Variants in TEF observed in about 807,000 individuals in gnomAD.
TEF encodes TEF transcription factor, PAR bZIP family member, also known as thyrotroph embryonic factor.
A neutral mutation model predicts 20.8 loss-of-function variants in TEF; 3 were observed. The ratio of observed to expected loss-of-function variants is 0.14; its 90% CI spans 0.07 to 0.37. The LOEUF is 0.37. Ranked by LOEUF, TEF falls within the 10% of genes least tolerant of loss-of-function variation. The pLI is 1.00. For missense variants in TEF, 296 were observed against 397.9 expected (o/e 0.74, Z 2.18); for synonymous variants, 180 against 171.1 (o/e 1.05, Z -0.41).
chr22:41,388,706 G>A (rs1024209713), intron 2 of TEF, among the ~76,000 whole-genome samples: 7 of 151,844 alleles, frequency 4.6e-5, no homozygotes, highest in East Asian at 1.9e-4. Context: ...CCTTGGACAC[G>A]AACCTACCAA....
At chr22:41,370,825 G>A (rs2036875724) in intron 1 of TEF, among the ~76,000 whole-genome samples, 1 of 151,984 alleles carries the variant, frequency 6.6e-6, no homozygotes, top group African/African-American at 2.4e-5. Flanking sequence ...CCTCTTTCCT[G>A]TCCCTGGATA....
At chr22:41,394,019 C>T in intron 2 of TEF, 77 bp from the exon 3 acceptor site, 1 of 1,382,438 alleles carries the variant, frequency 7.2e-7, no homozygotes, top group Non-Finnish European at 1.0e-6. Context: ...GAGGTTCAAC[C>T]AGGTGTCTGG....
chr22:41,373,856 A>C (rs987506321), intron 1 of TEF, among the ~76,000 whole-genome samples: 13 of 146,398 alleles, frequency 8.9e-5, no homozygotes, highest in Middle Eastern at 3.7e-3. Flanking sequence ...CTCTGCCTCC[A>C]GGGTTCAAGC....
intron 1 of TEF, chr22:41,369,086 C>A (rs1204335192): frequency 1.0e-6 from 1 of 985,200 alleles, no homozygotes; most frequent in Non-Finnish European, 1.2e-6. Context: ...CCCAGGATGC[C>A]CCCCAGCACA....
chr22:41,381,736 T>C (rs1360289446), upstream of TEF, among the ~76,000 whole-genome samples: 1 of 148,696 alleles, frequency 6.7e-6, no homozygotes, highest in Non-Finnish European at 1.5e-5. Context: ...GCGAGGGTCC[T>C]CACCTGGCCC....
At chr22:41,375,607 C>G (rs12168692) in intron 1 of TEF, among the ~76,000 whole-genome samples, 4 of 151,684 alleles carry the variant, frequency 2.6e-5, no homozygotes, top group Non-Finnish European at 5.9e-5. Context: ...AAAAATTAGC[C>G]GGGCTACTTG....
At chr22:41,367,933 C>T (rs1339376591) in intron 1 of TEF, among the ~76,000 whole-genome samples, 1 of 152,140 alleles carries the variant, frequency 6.6e-6, no homozygotes, top group Admixed American at 6.5e-5. Context: ...AAGCTCCCTC[C>T]CCCTGTACGC....
chr22:41,394,385 C>A, intron 3 of TEF, 69 bp downstream of exon 3: 1 of 1,434,170 alleles, frequency 7.0e-7, no homozygotes, highest in Non-Finnish European at 9.5e-7. Flanking sequence ...TGGCTCCTCG[C>A]ATTTGATTTT....
In TEF at chr22:41,387,427, C is replaced by T. The variant is rs776588311; in HGVS notation, c.234C>T (p.Leu78=). 7.4e-6 allele frequency: 12 copies of T among 1,614,098 alleles called. No homozygotes were observed. The Admixed American group carries it at 1.3e-4, about 18-fold the overall frequency. The part of the protein sequence containing the change: ...AASTMAVSAS[L]MPPIWDKTIP... ...GCACCATGGCTGTCTCAGCCTCCCT[C>T]ATGCCACCCATCTGGGACAAGACCA... is the stretch of plus-strand genomic sequence containing the variant. The change falls in exon 2 of 4, where the codon CTC becomes CTT. Residue 78 remains leucine (L), a synonymous_variant. Coordinates refer to ENST00000266304, the MANE Select transcript of TEF (RefSeq NM_003216.4).
chr22:41,381,840 A>G, upstream of TEF: 1 of 1,202,860 alleles, frequency 8.3e-7, no homozygotes, highest in Non-Finnish European at 1.0e-6. Flanking sequence ...CAGAGCAACG[A>G]TCCGGGGAAG....
At chr22:41,383,899 CAAGG>C (rs1461438830) in intron 1 of TEF, among the ~76,000 whole-genome samples, 1 of 152,218 alleles carries the variant, frequency 6.6e-6, no homozygotes, top group Non-Finnish European at 1.5e-5. Flanking sequence ...GTCCAGATCT[CAAGG>C]GAGGAGAGCA....
At chr22:41,373,581 T>C (rs1332127190) in intron 1 of TEF, among the ~76,000 whole-genome samples, 4 of 151,460 alleles carry the variant, frequency 2.6e-5, no homozygotes, top group African/African-American at 9.7e-5. Context: ...GCAATTCTCC[T>C]GCCTCAACCT....
At chr22:41,375,652 A>T (rs2036932368) in intron 1 of TEF, among the ~76,000 whole-genome samples, 1 of 151,090 alleles carries the variant, frequency 6.6e-6, no homozygotes, top group African/African-American at 2.4e-5. Context: ...TGAACCCAGG[A>T]GGCAGACCTT....
upstream of TEF, among the ~76,000 whole-genome samples, chr22:41,380,640 G>A (rs1412966449): frequency 6.6e-6 from 1 of 152,304 alleles, no homozygotes; most frequent in Non-Finnish European, 1.5e-5. Context: ...CGGGAGTTAA[G>A]CGGGGAGTCT....
At chr22:41,394,071 G>T (rs775825997) in intron 2 of TEF, 25 bp from the exon 3 acceptor site, 1 of 1,609,142 alleles carries the variant, frequency 6.2e-7, no homozygotes. Context: ...GCTGCTTCGG[G>T]ACCACCTGTC....
chr22:41,383,749 T>C (rs2037063207), intron 1 of TEF, among the ~76,000 whole-genome samples: 1 of 152,242 alleles, frequency 6.6e-6, no homozygotes, highest in African/African-American at 2.4e-5. Flanking sequence ...CTTTATTGCT[T>C]AGGCCAGGCA....
chr22:41,371,317 C>G (rs1880571736), intron 1 of TEF, among the ~76,000 whole-genome samples: 1 of 152,224 alleles, frequency 6.6e-6, no homozygotes, highest in South Asian at 2.1e-4. Flanking sequence ...ACATACACCT[C>G]AAAGGCTGAA....
At chr22:41,374,725 AAAG>A (rs1049415035) in intron 1 of TEF, among the ~76,000 whole-genome samples, 6 of 150,398 alleles carry the variant, frequency 4.0e-5, no homozygotes, top group African/African-American at 1.5e-4. Context: ...AAAAAAAAAA[AAAG>A]AAAAGAAAAT....
At chr22:41,394,024 G>A in intron 2 of TEF, 72 bp from the exon 3 acceptor site, 1 of 1,424,546 alleles carries the variant, frequency 7.0e-7, no homozygotes, top group South Asian at 1.3e-5. Context: ...TCAACCAGGT[G>A]TCTGGGTGTG....
Sources: allele counts gnomAD v4.1 joint callset (sites outside exome capture counted in the v4.1 genomes callset), GRCh38; gene constraint gnomAD v4.1.1; transcripts MANE v1.5; gene names NCBI Gene and HGNC (gene_info 2026-07-23, HGNC 2026-07-21).